ZNF521: variants seen among roughly 807,000 people sequenced by gnomAD.
ZNF521 encodes LYST-interacting protein 3.
A neutral mutation model predicts 105.5 loss-of-function variants in ZNF521; 14 were observed. The observed-to-expected ratio is 0.13, with a 90% CI of 0.09 to 0.21. ZNF521 has a LOEUF of 0.21. ZNF521 is among the 10% of genes least tolerant of loss of function. The pLI is 1.00. For missense variants in ZNF521, 1,233 were observed against 1,629.7 expected, an observed-to-expected ratio of 0.76 and a Z score of 4.19; for synonymous variants, 635 against 606.0, an observed-to-expected ratio of 1.05 and a Z score of -0.70.
At chr18:25,139,685 T>C (rs1435793169) in intron 5 of ZNF521, among the ~76,000 whole-genome samples, 1 of 152,156 alleles carries the variant, frequency 6.6e-6, no homozygotes, top group Non-Finnish European at 1.5e-5. Context: ...CCAAGTTCTT[T>C]CTTTGGAACC....
intron 3 of ZNF521, among the ~76,000 whole-genome samples, chr18:25,278,826 G>C (rs1910197032): frequency 6.6e-6 from 1 of 152,152 alleles, no homozygotes; most frequent in Non-Finnish European, 1.5e-5. Flanking sequence ...GCTTGCCACT[G>C]TGAATAGTTA....
chr18:25,167,633 T>C (rs1439750862), intron 5 of ZNF521, among the ~76,000 whole-genome samples: 1 of 152,214 alleles, frequency 6.6e-6, no homozygotes, highest in Non-Finnish European at 1.5e-5. Context: ...TCTCAAATTA[T>C]ACCAATTCAT....
intron 7 of ZNF521, among the ~76,000 whole-genome samples, chr18:25,077,658 A>G (rs2033394563): frequency 6.6e-6 from 1 of 152,218 alleles, no homozygotes; most frequent in Non-Finnish European, 1.5e-5. Context: ...GATGCTAAAC[A>G]ATGCCGCACC....
intron 5 of ZNF521, among the ~76,000 whole-genome samples, chr18:25,115,267 T>A (rs945594108): frequency 1.3e-5 from 2 of 152,226 alleles, no homozygotes; most frequent in Non-Finnish European, 2.9e-5. Flanking sequence ...GTCATCAACT[T>A]CTTTCCATGA....
rs529971912 is a variant in ZNF521, at chr18:25,090,069, G to C, written c.3791-489C>G. Among the ~76,000 whole-genome samples the C allele has an allele frequency of 5.9e-5, 9 of 152,272 alleles. No homozygotes were observed. The South Asian group carries it at 1.7e-3, about 28-fold the overall frequency. On this transcript the variant is annotated intron_variant, in intron 6 of 7. Transcript: ENST00000361524. Reference sequence around the variant, plus strand: ...TCTATAAATGTGAAACAGAACGGCAGGTAAATTCTCTTTGGATACTTTAAG... The same window carrying C: ...TCTATAAATGTGAAACAGAACGGCACGTAAATTCTCTTTGGATACTTTAAG...
At chr18:25,087,779 A>G (rs1216496831) in intron 7 of ZNF521, among the ~76,000 whole-genome samples, 1 of 152,222 alleles carries the variant, frequency 6.6e-6, no homozygotes, top group Non-Finnish European at 1.5e-5. Context: ...ATGTGACAGA[A>G]TAGCATTTTT....
Position 25,108,438 on chromosome 18 carries a change from T to G in ZNF521, c.3659-16357A>C, listed in dbSNP as rs964213285. Among the ~76,000 whole-genome samples, 4 of 152,290 alleles carry G rather than the reference T, an allele frequency of 2.6e-5. No individual in the cohort carries two copies. In the South Asian group the frequency reaches 8.3e-4, roughly 32 times the overall value. ...TTTCTTTTTTTTCATGTTTTTGTCT[T>G]ATCTTTTTACTGCTTTTACAATTAC... is the stretch of plus-strand genomic sequence containing the variant. On this transcript the variant is annotated intron_variant, in intron 5 of 7. Coordinates refer to ENST00000361524, the MANE Select transcript of ZNF521 (RefSeq NM_015461.3).
chr18:25,226,007 A>T lies in ZNF521; in HGVS notation c.1911T>A (p.Asn637Lys). 1.2e-6 allele frequency: 2 copies of T among 1,614,180 alleles called. No individual in the cohort carries two copies. Among genetic ancestry groups the T allele is most frequent in the Non-Finnish European group, 1.7e-6 (2 of 1,180,022 alleles). The part of the protein sequence containing the change: ...PARPTGEYIC[N>K]QCGAKYTSLD... ...GGGATGTGTACTTAGCACCACATTG[A>T]TTACAGATATATTCTCCAGTGGGAC... The change falls in exon 4 of 8, where the codon AAT becomes AAA. Residue 637 changes from asparagine (N) to lysine (K), a missense_variant. Asn to Lys is a moderately conservative substitution (Grantham distance 94). Around this residue, in one of 6 missense-constraint regions of ZNF521, gnomAD observed 614 missense variants for 751.5 expected, o/e 0.82. Transcript: ENST00000361524. This position sits in a 1 kb window ranked among gnomAD's most constrained non-coding sequence, Gnocchi z 4.1.
chr18:25,224,144 G>A, intron 4 of ZNF521: 2 of 586,522 alleles, frequency 3.4e-6, no homozygotes, highest in South Asian at 4.3e-5. Context: ...GTCCTATTTT[G>A]CACCATTCAA....
intron 4 of ZNF521, among the ~76,000 whole-genome samples, chr18:25,196,989 T>C (rs1337509571): frequency 1.3e-5 from 2 of 151,752 alleles, no homozygotes; most frequent in Non-Finnish European, 3.0e-5. Context: ...TGATGACTGA[T>C]GAATATGTTG....
intron 7 of ZNF521, among the ~76,000 whole-genome samples, chr18:25,074,696 C>G (rs2033317240): frequency 6.6e-6 from 1 of 152,106 alleles, no homozygotes; most frequent in African/African-American, 2.4e-5. Context: ...AGAGCTGCCC[C>G]CACTCTCTAC....
chr18:25,062,916 C>A (rs914779265), intron 7 of ZNF521, among the ~76,000 whole-genome samples, 175 bp from the exon 8 acceptor site: 3 of 151,940 alleles, frequency 2.0e-5, no homozygotes, highest in Non-Finnish European at 2.9e-5. Flanking sequence ...CTCATGGGTG[C>A]CCTCTAATGT....
Position 25,327,535 on chromosome 18 carries a change from C to T in ZNF521, c.41-5348G>A, listed in dbSNP as rs540807623. 7.8e-4 allele frequency: 550 copies of T among 708,928 alleles called. 1 individual carries two copies. The highest frequency in any genetic ancestry group is 1.8e-3 in the Middle Eastern group (6 of 3,418). 43.9% of individuals were successfully genotyped at this position (708,928 alleles called of 1,614,324 possible). On this transcript the variant is annotated intron_variant, in intron 2 of 7. Coordinates refer to ENST00000361524, the MANE Select transcript of ZNF521 (RefSeq NM_015461.3). ...TACAAGTATGTTCAAATCCTAATCCCTGATTTATGTTTATACTTTTTAAGA... is the reference window on the plus strand; with the variant it reads ...TACAAGTATGTTCAAATCCTAATCCTTGATTTATGTTTATACTTTTTAAGA...
intron 2 of ZNF521, among the ~76,000 whole-genome samples, chr18:25,328,358 A>G (rs1913352888): frequency 6.6e-6 from 1 of 150,848 alleles, no homozygotes; most frequent in Admixed American, 6.6e-5. Flanking sequence ...AAATTCCTTG[A>G]AGGAGGACGC....
At chr18:25,178,144 C>T (rs1301676655) in intron 5 of ZNF521, among the ~76,000 whole-genome samples, 1 of 152,192 alleles carries the variant, frequency 6.6e-6, no homozygotes, top group Admixed American at 6.5e-5. Context: ...CAATTCCTTT[C>T]TCATGTTTAA....
chr18:25,167,265 G>A (rs993731820), intron 5 of ZNF521, among the ~76,000 whole-genome samples: 3 of 152,158 alleles, frequency 2.0e-5, no homozygotes, highest in Non-Finnish European at 4.4e-5. Context: ...TGGGCTGCTT[G>A]TCTCTTTACC....
chr18:25,315,265 A>G (rs1005582348), intron 3 of ZNF521, among the ~76,000 whole-genome samples: 3 of 152,184 alleles, frequency 2.0e-5, no homozygotes, highest in Admixed American at 1.3e-4. Context: ...TATTGCTAAA[A>G]TTGAAGAGAG....
At chr18:25,253,491 CA>C (rs1212458675) in intron 3 of ZNF521, among the ~76,000 whole-genome samples, 3 of 152,202 alleles carry the variant, frequency 2.0e-5, no homozygotes, top group Non-Finnish European at 4.4e-5. Context: ...TTCTATGTAG[CA>C]AACTTGAATA....
chr18:25,102,586 T>C (rs994672407), intron 5 of ZNF521, among the ~76,000 whole-genome samples: 6 of 152,034 alleles, frequency 3.9e-5, no homozygotes, highest in African/African-American at 1.4e-4. Flanking sequence ...GAGTACAGTA[T>C]ATGTGCTCAT....
Sources: allele counts gnomAD v4.1 joint callset (sites outside exome capture counted in the v4.1 genomes callset), GRCh38; gene constraint gnomAD v4.1.1; regional missense constraint gnomAD v4.1.1; non-coding constraint Gnocchi (gnomAD v3.1); transcripts MANE v1.5; gene names NCBI Gene and HGNC (gene_info 2026-07-23, HGNC 2026-07-21).